SMAP2: variants seen among roughly 807,000 people sequenced by gnomAD.
The protein encoded by SMAP2 is small ArfGAP2.
Under a neutral mutation model 56.4 loss-of-function variants are expected in SMAP2, and 25 were observed. The observed-to-expected ratio is 0.44, with a 90% CI of 0.32 to 0.62. The LOEUF (loss-of-function observed/expected upper bound fraction) is 0.62, where lower values mean the gene tolerates loss of function less well. SMAP2 is among the 20% of genes least tolerant of loss of function. SMAP2 has a pLI of 0.04. For synonymous variants in SMAP2, 157 were observed against 181.7 expected (o/e 0.86, Z 1.09); for missense variants, 388 against 545.6 (o/e 0.71, Z 2.88).
intron 1 of SMAP2, among the ~76,000 whole-genome samples, chr1:40,382,837 C>T (rs1450122149): frequency 6.6e-6 from 1 of 152,204 alleles, no homozygotes; most frequent in African/African-American, 2.4e-5. Flanking sequence ...GTGCTTGGCA[C>T]AGACCAGGCT....
At chr1:40,388,784 T>C (rs563082080) in intron 1 of SMAP2, among the ~76,000 whole-genome samples, 1 of 152,326 alleles carries the variant, frequency 6.6e-6, no homozygotes, top group Admixed American at 6.5e-5. Flanking sequence ...CTTTGTTCTT[T>C]TGCTCTTTGC....
intron 1 of SMAP2, chr1:40,393,581 T>C: frequency 2.9e-6 from 4 of 1,392,454 alleles, no homozygotes; most frequent in Non-Finnish European, 3.9e-6. Context: ...AGTCTTGCTC[T>C]GTCGCCCAGG....
chr1:40,416,405 T>A (rs760844044), intron 8 of SMAP2, 64 bp downstream of exon 8: 32 of 1,544,926 alleles, frequency 2.1e-5, no homozygotes, highest in Non-Finnish European at 4.4e-6. Flanking sequence ...ATGCAGGAAT[T>A]ATTTATTGTG....
At chr1:40,393,285 C>A in intron 1 of SMAP2, 1 of 1,487,096 alleles carries the variant, frequency 6.7e-7, no homozygotes. Context: ...CTAGCTTGGG[C>A]AACAAAGCAA....
intron 7 of SMAP2, among the ~76,000 whole-genome samples, chr1:40,415,768 A>G (rs1255051492): frequency 6.6e-6 from 1 of 152,158 alleles, no homozygotes; most frequent in African/African-American, 2.4e-5. Flanking sequence ...TTTGTATATC[A>G]TTTTGTATAT....
intron 1 of SMAP2, among the ~76,000 whole-genome samples, chr1:40,360,902 CT>C (rs1644457158): frequency 6.6e-6 from 1 of 152,198 alleles, no homozygotes; most frequent in Admixed American, 6.5e-5. Context: ...TCTAAGTAAA[CT>C]TCAAAGACAG....
chr1:40,416,253 C>T lies in SMAP2; in HGVS notation c.759C>T (p.Ser253=). The T allele has an allele frequency of 6.2e-7, 1 of 1,613,970 alleles. No homozygotes were observed. The highest frequency in any genetic ancestry group is 8.5e-7 in the Non-Finnish European group (1 of 1,179,982). ...TGAACCTGTTTCCGGAGCCAGGGAG[C>T]AAATCAGAAGAAATAGGCAAGAAAC... The part of the protein sequence containing the change: ...ENLNLFPEPG[S]KSEEIGKKQL... The change falls in exon 8 of 10, where the codon AGC becomes AGT. Residue 253 remains serine, a synonymous_variant. Transcript: ENST00000372718.
chr1:40,400,204 G>A (rs907879613), intron 1 of SMAP2, among the ~76,000 whole-genome samples: 22 of 152,160 alleles, frequency 1.4e-4, no homozygotes, highest in Non-Finnish European at 2.9e-5. Flanking sequence ...GGAACATGTT[G>A]GTCCCTTGAG....
chr1:40,350,346 G>A (rs1342816088), intron 1 of SMAP2, among the ~76,000 whole-genome samples: 1 of 152,172 alleles, frequency 6.6e-6, no homozygotes, highest in Non-Finnish European at 1.5e-5. Flanking sequence ...AGACCCACCA[G>A]ATCTTGTTGG....
intron 9 of SMAP2, among the ~76,000 whole-genome samples, 186 bp from the exon 10 acceptor site, chr1:40,421,790 A>G (rs191615352): frequency 7.2e-5 from 11 of 152,292 alleles, no homozygotes; most frequent in Non-Finnish European, 4.4e-5. Flanking sequence ...CACTCCCAAA[A>G]GGTCATTCAC....
intron 1 of SMAP2, among the ~76,000 whole-genome samples, chr1:40,378,510 A>G (rs1408190672): frequency 6.6e-6 from 1 of 152,152 alleles, no homozygotes; most frequent in Non-Finnish European, 1.5e-5. Flanking sequence ...ACAGGGTCTC[A>G]CTATGTTTCT....
intron 1 of SMAP2, among the ~76,000 whole-genome samples, chr1:40,361,618 C>T (rs1644460393): frequency 1.3e-5 from 2 of 152,146 alleles, no homozygotes; most frequent in Admixed American, 1.3e-4. Flanking sequence ...GGGAGAGTCC[C>T]ACACCTCGCA....
chr1:40,379,183 G>T (rs1644571444), intron 1 of SMAP2, among the ~76,000 whole-genome samples: 1 of 151,924 alleles, frequency 6.6e-6, no homozygotes, highest in Non-Finnish European at 1.5e-5. Context: ...TGTTGGTCAG[G>T]CTGGCCTCGA....
chr1:40,406,194 G>T (rs1644884525), intron 1 of SMAP2, among the ~76,000 whole-genome samples: 1 of 152,160 alleles, frequency 6.6e-6, no homozygotes, highest in Admixed American at 6.5e-5. Flanking sequence ...TATGTAAGGT[G>T]CTCGGCCAAA....
Position 40,414,256 on chromosome 1 carries a change from T to C in SMAP2, c.571+16T>C. ...TTGGGCCTTGGTAAGAGTTGGACTT[T>C]TCAGCTTCCATGTTCTTACAAATTT... On this transcript the variant is annotated intron_variant, in intron 6 of 9. Coordinates refer to ENST00000372718, the MANE Select transcript of SMAP2 (RefSeq NM_022733.3). 2 of 1,612,184 alleles carry C rather than the reference T, an allele frequency of 1.2e-6. No individual in the cohort carries two copies. The highest frequency in any genetic ancestry group is 1.7e-6 in the Non-Finnish European group (2 of 1,178,322).
chr1:40,409,885 T>A, intron 4 of SMAP2, 50 bp downstream of exon 4: 2 of 1,218,802 alleles, frequency 1.6e-6, no homozygotes, highest in Non-Finnish European at 2.4e-6. Flanking sequence ...ATGTGCTTAT[T>A]AAATCAGGCC....
chr1:40,375,384 C>T (rs999367470), intron 1 of SMAP2, among the ~76,000 whole-genome samples: 14 of 152,092 alleles, frequency 9.2e-5, no homozygotes, highest in African/African-American at 3.4e-4. Flanking sequence ...TCGTATTTAT[C>T]TATTTTGAGA....
chr1:40,352,124 C>A (rs1446496257), intron 1 of SMAP2, among the ~76,000 whole-genome samples: 1 of 152,070 alleles, frequency 6.6e-6, no homozygotes, highest in Non-Finnish European at 1.5e-5. Context: ...TGAAATTTTT[C>A]ATACAATTTC....
intron 4 of SMAP2, among the ~76,000 whole-genome samples, chr1:40,410,045 C>A (rs965463357): frequency 2.6e-5 from 4 of 151,542 alleles, no homozygotes; most frequent in Non-Finnish European, 4.4e-5. Context: ...AGTTTAAGAC[C>A]AGCCTGGGCA....
Sources: allele counts gnomAD v4.1 joint callset (sites outside exome capture counted in the v4.1 genomes callset), GRCh38; gene constraint gnomAD v4.1.1; transcripts MANE v1.5; gene names NCBI Gene and HGNC (gene_info 2026-07-23, HGNC 2026-07-21).